Variants in PRKD1 observed in about 807,000 individuals in gnomAD.
PRKD1 encodes serine/threonine-protein kinase D1.
Under a neutral mutation model 95.9 loss-of-function variants are expected in PRKD1, and 63 were observed. The ratio of observed to expected loss-of-function variants is 0.66; its 90% confidence interval spans 0.54 to 0.81. The LOEUF is 0.81. PRKD1 is among the 30% of genes least tolerant of loss of function. The pLI is 0.00. For synonymous variants in PRKD1, 425 were observed against 423.1 expected (o/e 1.00, Z -0.05); for missense variants, 1,048 against 1,165.3 (o/e 0.90, Z 1.47).
intron 13 of PRKD1, among the ~76,000 whole-genome samples, chr14:29,613,654 A>G (rs1030208761): frequency 6.6e-6 from 1 of 152,200 alleles, no homozygotes; most frequent in Admixed American, 6.5e-5. Flanking sequence ...ACATAAACCC[A>G]AAATGCTGAT....
chr14:29,754,554 A>C (rs17096052), intron 1 of PRKD1, among the ~76,000 whole-genome samples: 34,511 of 151,966 alleles, frequency 0.23, 4,181 homozygotes, highest in African/African-American at 0.28. Context: ...ATATAGTAAA[A>C]CAATTTTTCC....
intron 1 of PRKD1, among the ~76,000 whole-genome samples, chr14:29,911,588 T>A (rs940153087): frequency 6.6e-6 from 1 of 152,114 alleles, no homozygotes; most frequent in Admixed American, 6.5e-5. Context: ...CAGAAAAAAA[T>A]AAGATATCCA....
At chr14:29,908,158 T>C (rs983878775) in intron 1 of PRKD1, among the ~76,000 whole-genome samples, 2 of 150,174 alleles carry the variant, frequency 1.3e-5, no homozygotes, top group African/African-American at 4.9e-5. Context: ...AAAAAAAAAC[T>C]TATGCACTTG....
At chr14:29,774,038 T>C (rs1888627471) in intron 1 of PRKD1, among the ~76,000 whole-genome samples, 1 of 152,228 alleles carries the variant, frequency 6.6e-6, no homozygotes. Context: ...AGCTACAGTA[T>C]ATGGGAAATG....
rs534809691 is a variant in PRKD1 at position 29,847,333 on chromosome 14, A to AT, written c.264+79915dup. Among the ~76,000 whole-genome samples the AT allele has an allele frequency of 5.6e-3, 855 of 152,246 alleles. 2 individuals carry two copies. The highest frequency in any genetic ancestry group is 0.017 in the Middle Eastern group (5 of 294). On this transcript the variant is annotated intron_variant, in intron 1 of 17. Coordinates refer to ENST00000331968, the MANE Select transcript of PRKD1 (RefSeq NM_002742.3). ...CAGCTGAGTAAGTGGCAGAGGTGAG[A>AT]TTTTCTGCCTCTTATGCAAACTTAT...
At chr14:29,579,553 C>T (rs1011255985) in intron 16 of PRKD1, among the ~76,000 whole-genome samples, 1 of 152,082 alleles carries the variant, frequency 6.6e-6, no homozygotes, top group Non-Finnish European at 1.5e-5. Context: ...TGGTGTGCAT[C>T]AACCTGTATG....
chr14:29,658,603 A>T (rs1241843251), intron 4 of PRKD1, among the ~76,000 whole-genome samples: 1 of 152,184 alleles, frequency 6.6e-6, no homozygotes, highest in Non-Finnish European at 1.5e-5. Flanking sequence ...AATGTCTATA[A>T]ATCACCAAGG....
intron 13 of PRKD1, among the ~76,000 whole-genome samples, chr14:29,609,144 T>C (rs909829430): frequency 5.9e-5 from 9 of 152,190 alleles, no homozygotes; most frequent in Non-Finnish European, 1.3e-4. Flanking sequence ...TGTTTGCTCA[T>C]ACCATCCACT....
chr14:29,786,639 AAT>A (rs1288043779), intron 1 of PRKD1, among the ~76,000 whole-genome samples: 1 of 152,154 alleles, frequency 6.6e-6, no homozygotes, highest in Non-Finnish European at 1.5e-5. Context: ...AGTGGTTCAT[AAT>A]AGTCTCCAAT....
chr14:29,643,828 TG>T (rs1238500834), intron 4 of PRKD1, among the ~76,000 whole-genome samples: 1 of 152,202 alleles, frequency 6.6e-6, no homozygotes, highest in Admixed American at 6.5e-5. Context: ...CAATAAAAAA[TG>T]GCTCAAATGA....
chr14:29,783,022 C>A (rs1453067802), intron 1 of PRKD1, among the ~76,000 whole-genome samples: 1 of 152,196 alleles, frequency 6.6e-6, no homozygotes, highest in Non-Finnish European at 1.5e-5. Flanking sequence ...CAAATGTTCT[C>A]TTCTAGCTAT....
intron 1 of PRKD1, among the ~76,000 whole-genome samples, chr14:29,878,852 A>G (rs556645437): frequency 6.6e-6 from 1 of 152,270 alleles, no homozygotes; most frequent in South Asian, 2.1e-4. Flanking sequence ...GTGAGAATAT[A>G]TTTAATATTA....
At chr14:29,653,953 T>C (rs1002300441) in intron 4 of PRKD1, among the ~76,000 whole-genome samples, 2 of 152,146 alleles carry the variant, frequency 1.3e-5, no homozygotes, top group Non-Finnish European at 2.9e-5. Flanking sequence ...TATTTCAAAT[T>C]AGCAGGGAGG....
chr14:29,776,410 G>A (rs145098059), intron 1 of PRKD1, among the ~76,000 whole-genome samples: 2 of 152,222 alleles, frequency 1.3e-5, no homozygotes, highest in African/African-American at 2.4e-5. Context: ...AAGATTACAC[G>A]AATGGCTAAC....
At chr14:29,868,391 A>G (rs538608187) in intron 1 of PRKD1, among the ~76,000 whole-genome samples, 1 of 152,344 alleles carries the variant, frequency 6.6e-6, no homozygotes, top group Non-Finnish European at 1.5e-5. Context: ...TTCTGAAATC[A>G]GTCTGAATTG....
intron 16 of PRKD1, among the ~76,000 whole-genome samples, chr14:29,594,339 G>GT (rs1451571513): frequency 6.6e-6 from 1 of 152,088 alleles, no homozygotes; most frequent in East Asian, 1.9e-4. Flanking sequence ...CCTGCACATC[G>GT]TTTTTAAAAT....
At chr14:29,678,399 C>T (rs546685172) in intron 2 of PRKD1, among the ~76,000 whole-genome samples, 1 of 152,212 alleles carries the variant, frequency 6.6e-6, no homozygotes, top group South Asian at 2.1e-4. Flanking sequence ...CTTTCCTTTT[C>T]TTGTACAGTC....
chr14:29,602,252 G>A (rs1274297820), intron 13 of PRKD1, among the ~76,000 whole-genome samples: 2 of 152,016 alleles, frequency 1.3e-5, no homozygotes, highest in Non-Finnish European at 2.9e-5. Context: ...GTGACCTCGG[G>A]GGCCCAGGGA....
At chr14:29,917,881 T>C (rs1242808190) in intron 1 of PRKD1, among the ~76,000 whole-genome samples, 1 of 152,136 alleles carries the variant, frequency 6.6e-6, no homozygotes, top group East Asian at 1.9e-4. Flanking sequence ...CTGAAGAGTA[T>C]GATTATAGCA....
Sources: gnomAD v4.1 joint callset for allele counts (sites outside exome capture counted in the v4.1 genomes callset) on GRCh38, gnomAD v4.1.1 for gene constraint, MANE v1.5 for transcripts, NCBI Gene and HGNC (gene_info 2026-07-23, HGNC 2026-07-21) for gene names.